CNTN4: variants seen among roughly 807,000 people sequenced by gnomAD.
CNTN4 encodes the protein contactin-4.
CNTN4 carries 77 observed loss-of-function variants against 122.5 expected under a neutral mutation model. The observed-to-expected ratio is 0.63, with a 90% CI of 0.52 to 0.76. CNTN4 has a LOEUF of 0.76. Ranked by LOEUF, CNTN4 falls within the 30% of genes least tolerant of loss-of-function variation. CNTN4 has a pLI of 0.00. For synonymous variants in CNTN4, 512 were observed against 447.0 expected (o/e 1.15, Z -1.83); for missense variants, 1,256 against 1,259.1 (o/e 1.00, Z 0.04).
intron 3 of CNTN4, among the ~76,000 whole-genome samples, chr3:2,368,391 C>G (rs9852441): frequency 0.2 from 30,794 of 151,974 alleles, 4,263 homozygotes; most frequent in East Asian, 0.5. Context: ...TTTAGTTAGT[C>G]TGAGTTTATA....
chr3:2,669,058 T>C (rs1576399805), intron 4 of CNTN4, among the ~76,000 whole-genome samples: 1 of 152,204 alleles, frequency 6.6e-6, no homozygotes, highest in Non-Finnish European at 1.5e-5. Flanking sequence ...TTCTCTTTTT[T>C]TGTTGTGTCT....
chr3:2,604,062 A>T lies in CNTN4; in HGVS notation c.55+32504A>T, dbSNP rs530043367. The stretch of plus-strand genomic sequence containing the variant: ...GTGGCAAATCATACAGGCTCTTAAC[A>T]TTTCTACTTGGAAGTGAGATGTAAT... On this transcript the variant is annotated intron_variant, in intron 4 of 24. Transcript: ENST00000418658. Among the ~76,000 whole-genome samples, 20 of 152,272 alleles carry T rather than the reference A, an allele frequency of 1.3e-4. No homozygotes were observed. In the East Asian group the frequency reaches 3.3e-3, roughly 25 times the overall value.
chr3:2,429,228 C>T (rs1402600032), intron 3 of CNTN4, among the ~76,000 whole-genome samples: 1 of 152,178 alleles, frequency 6.6e-6, no homozygotes, highest in Non-Finnish European at 1.5e-5. Flanking sequence ...TACCTTTGGT[C>T]TTTGATGATG....
intron 4 of CNTN4, among the ~76,000 whole-genome samples, chr3:2,617,818 G>A (rs1033240288): frequency 6.6e-6 from 1 of 151,998 alleles, no homozygotes; most frequent in African/African-American, 2.4e-5. Flanking sequence ...TTTCTTCTCG[G>A]TTATAATCTC....
chr3:2,415,740 CAAT>C (rs1426194125), intron 3 of CNTN4, among the ~76,000 whole-genome samples: 7 of 152,068 alleles, frequency 4.6e-5, no homozygotes, highest in Non-Finnish European at 4.4e-5. Flanking sequence ...ACTTTCTAAA[CAAT>C]AAAGTACTCC....
chr3:2,345,761 G>C (rs1270611492), intron 3 of CNTN4, among the ~76,000 whole-genome samples: 1 of 152,158 alleles, frequency 6.6e-6, no homozygotes, highest in Non-Finnish European at 1.5e-5. Context: ...AGAGCTTATA[G>C]TTCCGCACCA....
At chr3:2,592,967 A>T (rs998150528) in intron 4 of CNTN4, among the ~76,000 whole-genome samples, 1 of 152,204 alleles carries the variant, frequency 6.6e-6, no homozygotes, top group Non-Finnish European at 1.5e-5. Context: ...TGAAGAGAAA[A>T]GCAGTGTCAG....
At chr3:2,695,262 T>C (rs1576479253) in intron 4 of CNTN4, among the ~76,000 whole-genome samples, 1 of 152,166 alleles carries the variant, frequency 6.6e-6, no homozygotes, top group South Asian at 2.1e-4. Flanking sequence ...ACCCCAATTA[T>C]TGGAAAGTTC....
intron 7 of CNTN4, among the ~76,000 whole-genome samples, chr3:2,851,849 A>C (rs1399417356): frequency 6.6e-6 from 1 of 152,222 alleles, no homozygotes; most frequent in Non-Finnish European, 1.5e-5. Flanking sequence ...ACTAACTAAA[A>C]AGAAGAAGAA....
At chr3:2,782,851 A>G (rs961293150) in intron 6 of CNTN4, among the ~76,000 whole-genome samples, 1 of 152,190 alleles carries the variant, frequency 6.6e-6, no homozygotes, top group Admixed American at 6.5e-5. Context: ...AGTGCTTTCA[A>G]GGGGATCATA....
At chr3:2,632,061 T>TATGCACAC (rs1278128080) in intron 4 of CNTN4, among the ~76,000 whole-genome samples, 1 of 83,528 alleles carries the variant, frequency 1.2e-5, no homozygotes, top group African/African-American at 5.6e-5. Flanking sequence ...AAAATACACA[T>TATGCACAC]ACGCACACAC....
intron 7 of CNTN4, among the ~76,000 whole-genome samples, chr3:2,852,106 T>A (rs1380150919): frequency 6.6e-6 from 1 of 152,220 alleles, no homozygotes; most frequent in Non-Finnish European, 1.5e-5. Flanking sequence ...TGAGAGAGCA[T>A]ATTAATTTTA....
In CNTN4 at chr3:2,709,311, A is replaced by G. The variant is rs931679146; in HGVS notation, c.56-26904A>G. ...TATAATTAGTACAGTGTGATTCTCAACCTTGGCTGCATATTAGAATCATCT... is the reference window on the plus strand; with the variant it reads ...TATAATTAGTACAGTGTGATTCTCAGCCTTGGCTGCATATTAGAATCATCT... On this transcript the variant is annotated intron_variant, in intron 4 of 24. Coordinates refer to ENST00000418658, the MANE Select transcript of CNTN4 (RefSeq NM_175607.3). This position sits in a 1 kb window ranked among gnomAD's most constrained non-coding sequence, Gnocchi z 5.0. 2.6e-4 allele frequency among the ~76,000 whole-genome samples: 40 copies of G among 152,174 alleles called. No homozygotes were observed. Among genetic ancestry groups the G allele is most frequent in the Admixed American group, 2.6e-4 (4 of 15,278 alleles).
At chr3:2,557,255 A>G (rs1474822558) in intron 3 of CNTN4, among the ~76,000 whole-genome samples, 2 of 152,212 alleles carry the variant, frequency 1.3e-5, no homozygotes, top group Admixed American at 1.3e-4. Context: ...AAAAGACACA[A>G]ACAAAGCAAA....
At chr3:2,156,423 C>T (rs544815950) in intron 2 of CNTN4, among the ~76,000 whole-genome samples, 12 of 152,210 alleles carry the variant, frequency 7.9e-5, no homozygotes, top group South Asian at 4.1e-4. Flanking sequence ...TCAGCAGCGT[C>T]CTCAAGCAGC....
chr3:2,160,108 A>C (rs2035894400), intron 2 of CNTN4, among the ~76,000 whole-genome samples: 2 of 152,170 alleles, frequency 1.3e-5, no homozygotes, highest in South Asian at 4.1e-4. Context: ...GGAAAAGCTA[A>C]AGTAGACTGG....
rs144319969 is a variant in CNTN4 at position 2,365,600 on chromosome 3, T to A, written c.-89+26367T>A. 5.7e-4 allele frequency among the ~76,000 whole-genome samples: 87 copies of A among 152,326 alleles called. 2 individuals are homozygous for A. The East Asian group carries it at 0.015, about 27-fold the overall frequency. On this transcript the variant is annotated intron_variant, in intron 3 of 24. Transcript: ENST00000418658. The stretch of plus-strand genomic sequence containing the variant: ...ATGTACATATATTTCTATCTTACGT[T>A]CTGCTGGTGATGCTTCTTGCCAAAG...
At chr3:2,315,003 CATGTT>C (rs756723330) in intron 2 of CNTN4, among the ~76,000 whole-genome samples, 1 of 151,858 alleles carries the variant, frequency 6.6e-6, no homozygotes, top group Non-Finnish European at 1.5e-5. Context: ...TTTCAATAAA[CATGTT>C]ATTTTATATT....
chr3:3,023,422 C>A (rs1698461166), intron 14 of CNTN4, among the ~76,000 whole-genome samples: 1 of 152,118 alleles, frequency 6.6e-6, no homozygotes, highest in African/African-American at 2.4e-5. Context: ...GCTAAGTTTA[C>A]CAATAATAAA....
Sources: allele counts gnomAD v4.1 joint callset (sites outside exome capture counted in the v4.1 genomes callset), GRCh38; gene constraint gnomAD v4.1.1; non-coding constraint Gnocchi (gnomAD v3.1); transcripts MANE v1.5; gene names NCBI Gene and HGNC (gene_info 2026-07-23, HGNC 2026-07-21).